Variants in KCNIP4 observed in about 807,000 individuals in gnomAD.
KCNIP4 encodes the protein potassium voltage-gated channel interacting protein 4.
In KCNIP4, 12 loss-of-function variants were observed where a neutral mutation model predicts 34.0. The observed-to-expected ratio is 0.35, with a 90% CI of 0.23 to 0.57. The LOEUF (loss-of-function observed/expected upper bound fraction) is 0.57, where lower values mean the gene tolerates loss of function less well. Ranked by LOEUF, KCNIP4 falls within the 20% of genes least tolerant of loss-of-function variation. The pLI, the probability that KCNIP4 is intolerant of heterozygous loss-of-function variation, is 0.83. For synonymous variants in KCNIP4, 124 were observed against 102.2 expected, an observed-to-expected ratio of 1.21 and a Z score of -1.29; for missense variants, 238 against 311.7, an observed-to-expected ratio of 0.76 and a Z score of 1.78.
intron 1 of KCNIP4, among the ~76,000 whole-genome samples, chr4:21,066,629 C>A (rs926533833): frequency 1.3e-5 from 2 of 152,104 alleles, no homozygotes; most frequent in Non-Finnish European, 2.9e-5. Flanking sequence ...GAACTCAGTG[C>A]TGTCCTGTCA....
intron 2 of KCNIP4, among the ~76,000 whole-genome samples, chr4:20,851,205 G>GC (rs2149483886): frequency 6.6e-6 from 1 of 152,108 alleles, no homozygotes; most frequent in African/African-American, 2.4e-5. Context: ...CCCAACAGGT[G>GC]CCCAGCATGT....
At chr4:21,594,254 A>G (rs1742449702) in intron 1 of KCNIP4, among the ~76,000 whole-genome samples, 1 of 152,144 alleles carries the variant, frequency 6.6e-6, no homozygotes, top group Non-Finnish European at 1.5e-5. Context: ...ATTATTATAG[A>G]GTTTAGAGAT....
chr4:21,544,720 C>G (rs1268454681), intron 1 of KCNIP4: 4 of 152,174 alleles, frequency 2.6e-5, no homozygotes, highest in African/African-American at 9.7e-5. Flanking sequence ...CCACCCTTTT[C>G]CTGGAAAACT....
chr4:21,450,526 T>C (rs1728432406), intron 1 of KCNIP4, among the ~76,000 whole-genome samples: 1 of 152,082 alleles, frequency 6.6e-6, no homozygotes, highest in Admixed American at 6.5e-5. Context: ...GTGTTCAGCA[T>C]TTTTGCTGAC....
intron 1 of KCNIP4, among the ~76,000 whole-genome samples, chr4:21,600,362 T>G (rs1461824615): frequency 6.6e-6 from 1 of 152,118 alleles, no homozygotes; most frequent in East Asian, 1.9e-4. Context: ...AAAGTTTTAC[T>G]TTTTTAATTG....
chr4:21,192,392 T>C (rs865827995), intron 1 of KCNIP4, among the ~76,000 whole-genome samples: 2 of 152,218 alleles, frequency 1.3e-5, no homozygotes, highest in South Asian at 4.1e-4. Flanking sequence ...GATAGTAATT[T>C]GTGAGCATGA....
intron 1 of KCNIP4, among the ~76,000 whole-genome samples, chr4:20,889,740 A>G (rs1264634849): frequency 2.0e-5 from 3 of 148,940 alleles, no homozygotes; most frequent in Admixed American, 6.7e-5. Flanking sequence ...TTGTTAAATG[A>G]TGTTTAAAAA....
chr4:21,878,426 A>G (rs1276501692), intron 1 of KCNIP4, among the ~76,000 whole-genome samples: 3 of 152,190 alleles, frequency 2.0e-5, no homozygotes, highest in Admixed American at 1.3e-4. Flanking sequence ...CACTTTCTGC[A>G]TACAGAATAG....
intron 1 of KCNIP4, among the ~76,000 whole-genome samples, chr4:21,063,696 A>G (rs2108978201): frequency 6.6e-6 from 1 of 152,246 alleles, no homozygotes. Context: ...TTTAAATCAA[A>G]ATTGAGAGAC....
intron 3 of KCNIP4, among the ~76,000 whole-genome samples, chr4:20,849,258 T>C (rs1249528933): frequency 6.6e-6 from 1 of 152,000 alleles, no homozygotes; most frequent in Non-Finnish European, 1.5e-5. Context: ...GATGATCAAA[T>C]TTTGGAGAAG....
chr4:21,531,672 C>T (rs1051112557), intron 1 of KCNIP4, among the ~76,000 whole-genome samples: 23 of 151,996 alleles, frequency 1.5e-4, no homozygotes, highest in Middle Eastern at 3.4e-3. Flanking sequence ...CCACCGCACC[C>T]GGCCTAAAGC....
At chr4:21,664,074 T>C (rs1370537003) in intron 1 of KCNIP4, among the ~76,000 whole-genome samples, 1 of 152,076 alleles carries the variant, frequency 6.6e-6, no homozygotes, top group Non-Finnish European at 1.5e-5. Context: ...GCCTCCTGAG[T>C]AGCTGGGACT....
At chr4:21,040,218 A>G (rs1486442006) in intron 1 of KCNIP4, among the ~76,000 whole-genome samples, 1 of 152,194 alleles carries the variant, frequency 6.6e-6, no homozygotes, top group African/African-American at 2.4e-5. Flanking sequence ...TCATGCTCCA[A>G]AGAATTGCTA....
chr4:21,613,387 A>T (rs1399103085), intron 1 of KCNIP4: 1 of 152,208 alleles, frequency 6.6e-6, no homozygotes, highest in Non-Finnish European at 1.5e-5. Flanking sequence ...AGCAGTTTAC[A>T]TGGAGAAAAA....
chr4:21,064,179 A>C (rs1178158475), intron 1 of KCNIP4, among the ~76,000 whole-genome samples: 1 of 152,114 alleles, frequency 6.6e-6, no homozygotes, highest in African/African-American at 2.4e-5. Context: ...ACTGCTTTAC[A>C]CTTTAAATAC....
At chr4:21,690,459 T>G (rs1021471893) in intron 1 of KCNIP4, among the ~76,000 whole-genome samples, 20 of 152,078 alleles carry the variant, frequency 1.3e-4, no homozygotes, top group African/African-American at 4.3e-4. Context: ...CCCTCCCCAG[T>G]GTAATGAGTT....
chr4:21,183,186 T>C (rs894158702), intron 1 of KCNIP4, among the ~76,000 whole-genome samples: 15 of 152,132 alleles, frequency 9.9e-5, no homozygotes, highest in Non-Finnish European at 1.9e-4. Context: ...TGACAGAATT[T>C]CCCTCTTTTT....
intron 1 of KCNIP4, among the ~76,000 whole-genome samples, chr4:20,990,274 C>G (rs181678167): frequency 6.5e-4 from 99 of 152,308 alleles, no homozygotes; most frequent in Admixed American, 1.6e-3. Flanking sequence ...TTTGAAAATT[C>G]CTAAATGTTC....
At chr4:21,237,982 A>G (rs912868242) in intron 1 of KCNIP4, among the ~76,000 whole-genome samples, 8 of 152,204 alleles carry the variant, frequency 5.3e-5, no homozygotes, top group African/African-American at 1.9e-4. Flanking sequence ...AATCCTCAAT[A>G]AAATACTGGC....
Sources: gnomAD v4.1 joint callset for allele counts (sites outside exome capture counted in the v4.1 genomes callset) on GRCh38, gnomAD v4.1.1 for gene constraint, MANE v1.5 for transcripts, NCBI Gene and HGNC (gene_info 2026-07-23, HGNC 2026-07-21) for gene names.